Variants in IQCM observed in about 807,000 individuals in gnomAD.
The protein encoded by IQCM is IQ domain-containing protein M.
In IQCM, 45 loss-of-function variants were observed where a neutral mutation model predicts 57.6. That is an observed-to-expected ratio of 0.78 (90% CI 0.62 to 1.00). The LOEUF (loss-of-function observed/expected upper bound fraction) is 1.00, where lower values mean the gene tolerates loss of function less well. Among genes scored for constraint, IQCM ranks in the 50% least tolerant of loss-of-function variants. The probability of loss-of-function intolerance (pLI) is 0.00; values close to 1 mark genes in which losing one functional copy is unlikely to be tolerated. For synonymous variants in IQCM, 148 were observed against 158.9 expected, an observed-to-expected ratio of 0.93 and a Z score of 0.51; for missense variants, 468 against 511.6, an observed-to-expected ratio of 0.91 and a Z score of 0.82.
chr4:149,382,562 A>C (rs1398023839), intron 13 of IQCM, among the ~76,000 whole-genome samples: 1 of 152,086 alleles, frequency 6.6e-6, no homozygotes, highest in Non-Finnish European at 1.5e-5. Flanking sequence ...CTCTAGTAGC[A>C]GAATAAGTAC....
At chr4:149,525,192 G>A (rs1277505381) in intron 12 of IQCM, among the ~76,000 whole-genome samples, 10 of 151,684 alleles carry the variant, frequency 6.6e-5, no homozygotes, top group African/African-American at 2.2e-4. Context: ...TGAAGTTATC[G>A]AAATATCACA....
At chr4:149,386,217 T>A (rs1578878806) in intron 13 of IQCM, among the ~76,000 whole-genome samples, 1 of 152,096 alleles carries the variant, frequency 6.6e-6, no homozygotes, top group African/African-American at 2.4e-5. Context: ...ATTGAATAAT[T>A]GAAAACTCTG....
Position 149,716,634 on chromosome 4 carries a change from A to C in IQCM, c.385+16610T>G, listed in dbSNP as rs1462288205. ...GCCCGGCTGCAGCCGGCATCTTTGC[A>C]GCAGCCGCTCCAGATGGGCTGCTGC... On this transcript the variant is annotated intron_variant, in intron 5 of 13. Transcript: ENST00000636793. Among the ~76,000 whole-genome samples, 3 of 152,170 alleles carry C rather than the reference A, an allele frequency of 2.0e-5. No individual in the cohort carries two copies. The South Asian group carries it at 6.2e-4, about 31-fold the overall frequency.
intron 13 of IQCM, among the ~76,000 whole-genome samples, chr4:149,389,529 T>C (rs939206596): frequency 2.0e-5 from 3 of 151,540 alleles, no homozygotes; most frequent in African/African-American, 4.9e-5. Context: ...TATGCAGCCA[T>C]AAAAAATGAT....
rs202093187 is a variant in IQCM, at chr4:149,447,171, G to A, written c.1229-13614C>T. 6.5e-4 allele frequency among the ~76,000 whole-genome samples: 99 copies of A among 151,662 alleles called. 1 individual carries two copies. The South Asian group carries it at 0.015, about 23-fold the overall frequency. The stretch of plus-strand genomic sequence containing the variant: ...AGTAGATGGAAGAAGAATGAACCAC[G>A]TAAGGTAGGTTTGTAAGAAATTTCT... On this transcript the variant is annotated intron_variant, in intron 12 of 13. Coordinates refer to ENST00000636793, the MANE Select transcript of IQCM (RefSeq NM_001363507.2).
intron 8 of IQCM, among the ~76,000 whole-genome samples, chr4:149,604,818 T>C (rs1388365483): frequency 6.6e-6 from 1 of 152,208 alleles, no homozygotes; most frequent in Non-Finnish European, 1.5e-5. Flanking sequence ...AGAAATTTAG[T>C]TAATGTTCCC....
At chr4:149,592,470 C>T (rs1385668850) in intron 8 of IQCM, among the ~76,000 whole-genome samples, 1 of 151,954 alleles carries the variant, frequency 6.6e-6, no homozygotes, top group East Asian at 1.9e-4. Context: ...AATTAGATCC[C>T]ATTTGTCAAT....
intron 5 of IQCM, among the ~76,000 whole-genome samples, chr4:149,695,111 C>T (rs1457872336): frequency 6.6e-6 from 1 of 152,178 alleles, no homozygotes; most frequent in East Asian, 1.9e-4. Context: ...GTTGGAATTT[C>T]AAGCACATGT....
At chr4:149,675,374 C>T (rs911852303) in intron 7 of IQCM, among the ~76,000 whole-genome samples, 3 of 151,856 alleles carry the variant, frequency 2.0e-5, no homozygotes, top group African/African-American at 7.3e-5. Context: ...AACCACCCCA[C>T]CACCAGTCTC....
At chr4:149,442,832 C>T (rs13116586) in intron 12 of IQCM, among the ~76,000 whole-genome samples, 1 of 151,670 alleles carries the variant, frequency 6.6e-6, no homozygotes, top group African/African-American at 2.4e-5. Flanking sequence ...AATATCGTAG[C>T]CTCCACACAC....
At chr4:149,793,916 C>T (rs1772873346) in intron 2 of IQCM, among the ~76,000 whole-genome samples, 1 of 152,170 alleles carries the variant, frequency 6.6e-6, no homozygotes, top group Non-Finnish European at 1.5e-5. Flanking sequence ...CTAAATCACA[C>T]TAAAATGATT....
At chr4:149,632,153 T>A (rs1051697911) in intron 7 of IQCM, among the ~76,000 whole-genome samples, 1 of 152,186 alleles carries the variant, frequency 6.6e-6, no homozygotes, top group African/African-American at 2.4e-5. Flanking sequence ...ATGACTGGGG[T>A]CAGGGGATGA....
chr4:149,436,637 T>G (rs936119075), intron 12 of IQCM, among the ~76,000 whole-genome samples: 2 of 152,132 alleles, frequency 1.3e-5, no homozygotes, highest in Non-Finnish European at 2.9e-5. Flanking sequence ...TTATATTTCA[T>G]TACACATGTC....
intron 5 of IQCM, among the ~76,000 whole-genome samples, chr4:149,707,345 A>G (rs1764233919): frequency 6.6e-6 from 1 of 152,038 alleles, no homozygotes; most frequent in Non-Finnish European, 1.5e-5. Flanking sequence ...ATATATGTGT[A>G]TAGTTGTTAT....
intron 7 of IQCM, among the ~76,000 whole-genome samples, chr4:149,627,909 T>C (rs956359814): frequency 4.6e-5 from 7 of 151,746 alleles, no homozygotes; most frequent in African/African-American, 1.5e-4. Flanking sequence ...AGGCAAAAAA[T>C]AGAATGGAGT....
At chr4:149,411,797 C>T (rs762691197) in intron 13 of IQCM, among the ~76,000 whole-genome samples, 1 of 152,102 alleles carries the variant, frequency 6.6e-6, no homozygotes, top group Admixed American at 6.5e-5. Context: ...CAACACAATA[C>T]TGTTTTATCA....
chr4:149,712,376 CA>C (rs1318391150), intron 5 of IQCM, among the ~76,000 whole-genome samples: 2 of 151,984 alleles, frequency 1.3e-5, no homozygotes, highest in African/African-American at 2.4e-5. Flanking sequence ...ACACAACACA[CA>C]TACACACACA....
At chr4:149,753,273 A>C (rs1241825233) in intron 2 of IQCM, among the ~76,000 whole-genome samples, 2 of 152,148 alleles carry the variant, frequency 1.3e-5, no homozygotes, top group Non-Finnish European at 1.5e-5. Context: ...ATGAAAAAGA[A>C]TTTAAAATAA....
chr4:149,636,971 G>T (rs923192389), intron 7 of IQCM, among the ~76,000 whole-genome samples: 1 of 151,050 alleles, frequency 6.6e-6, no homozygotes, highest in African/African-American at 2.4e-5. Flanking sequence ...GTGAAACCCC[G>T]CCTCTACTAA....
Sources: allele counts gnomAD v4.1 joint callset (sites outside exome capture counted in the v4.1 genomes callset), GRCh38; gene constraint gnomAD v4.1.1; transcripts MANE v1.5; gene names NCBI Gene and HGNC (gene_info 2026-07-23, HGNC 2026-07-21).